Variants in ASIC2 observed in about 807,000 individuals in gnomAD.
ASIC2 encodes the protein acid sensing ion channel subunit 2.
In ASIC2, 25 loss-of-function variants were observed where a neutral mutation model predicts 57.3. The ratio of observed to expected loss-of-function variants is 0.44; its 90% CI spans 0.32 to 0.61. The LOEUF is 0.61. ASIC2 is among the 20% of genes least tolerant of loss of function. The pLI is 0.06. For synonymous variants in ASIC2, 319 were observed against 307.5 expected (o/e 1.04, Z -0.39); for missense variants, 641 against 738.1 (o/e 0.87, Z 1.52).
chr17:33,289,051 G>T (rs1157769411), intron 1 of ASIC2, among the ~76,000 whole-genome samples: 1 of 152,154 alleles, frequency 6.6e-6, no homozygotes, highest in Non-Finnish European at 1.5e-5. Flanking sequence ...CAGACAGAGG[G>T]GTGAAGCCTT....
chr17:33,317,523 T>C (rs555061915), intron 1 of ASIC2, among the ~76,000 whole-genome samples: 1 of 152,350 alleles, frequency 6.6e-6, no homozygotes, highest in East Asian at 1.9e-4. Flanking sequence ...GGACACCCAA[T>C]GAAAATTCCT....
intron 1 of ASIC2, among the ~76,000 whole-genome samples, chr17:33,468,819 T>G (rs1017343752): frequency 2.0e-5 from 3 of 152,196 alleles, no homozygotes; most frequent in Non-Finnish European, 4.4e-5. Flanking sequence ...GTTTTTTGAT[T>G]GCAAATTCAT....
intron 1 of ASIC2, among the ~76,000 whole-genome samples, chr17:34,151,829 T>C (rs934277868): frequency 6.6e-6 from 1 of 152,140 alleles, no homozygotes; most frequent in Non-Finnish European, 1.5e-5. Context: ...GGCCTTCACA[T>C]ATTTTATGGC....
chr17:33,522,476 G>A (rs1479898206), intron 1 of ASIC2, among the ~76,000 whole-genome samples: 1 of 152,136 alleles, frequency 6.6e-6, no homozygotes, highest in Non-Finnish European at 1.5e-5. Flanking sequence ...ACCATGGTTG[G>A]AATCCTGCCC....
chr17:33,259,963 C>T (rs949651216), intron 1 of ASIC2, among the ~76,000 whole-genome samples: 1 of 152,072 alleles, frequency 6.6e-6, no homozygotes, highest in African/African-American at 2.4e-5. Context: ...CTTTGGGACG[C>T]TCTATATTAA....
At chr17:33,323,322 A>G (rs764140663) in intron 1 of ASIC2, among the ~76,000 whole-genome samples, 2 of 152,258 alleles carry the variant, frequency 1.3e-5, no homozygotes, top group Non-Finnish European at 2.9e-5. Context: ...ATTGCGGTAT[A>G]GTCATACAGT....
chr17:34,128,320 C>T (rs1013912568), intron 1 of ASIC2, among the ~76,000 whole-genome samples: 12 of 152,110 alleles, frequency 7.9e-5, no homozygotes, highest in Non-Finnish European at 8.8e-5. Context: ...TTCCCAGGGA[C>T]CCCAGGTGCA....
At chr17:33,753,610 G>A (rs1567706841) in intron 1 of ASIC2, among the ~76,000 whole-genome samples, 1 of 152,230 alleles carries the variant, frequency 6.6e-6, no homozygotes, top group Non-Finnish European at 1.5e-5. Flanking sequence ...GGTGGAGGAA[G>A]ATTCATACAC....
At chr17:33,848,199 C>T (rs1414503080) in intron 1 of ASIC2, among the ~76,000 whole-genome samples, 1 of 152,144 alleles carries the variant, frequency 6.6e-6, no homozygotes, top group East Asian at 1.9e-4. Flanking sequence ...GCAGCCTTTG[C>T]CAGAAATCCC....
At chr17:33,422,344 T>C (rs1911073222) in intron 1 of ASIC2, among the ~76,000 whole-genome samples, 1 of 151,440 alleles carries the variant, frequency 6.6e-6, no homozygotes, top group Admixed American at 6.6e-5. Flanking sequence ...GCAACCCCCG[T>C]CCCCACAGCT....
At chr17:33,791,972 T>C (rs1274546690) in intron 1 of ASIC2, 1 of 151,932 alleles carries the variant, frequency 6.6e-6, no homozygotes, top group Non-Finnish European at 1.5e-5. Context: ...CATGCCTGGC[T>C]CATTTTTTTG....
At chr17:34,003,515 A>G (rs980571280) in intron 1 of ASIC2, 1 of 152,164 alleles carries the variant, frequency 6.6e-6, no homozygotes, top group African/African-American at 2.4e-5. Context: ...GACTGTGATC[A>G]GTCTTCATCA....
chr17:33,664,586 A>C (rs1907409027), intron 1 of ASIC2, among the ~76,000 whole-genome samples: 1 of 152,154 alleles, frequency 6.6e-6, no homozygotes, highest in African/African-American at 2.4e-5. Context: ...TAGTGCCTCC[A>C]CTTGGCCCAC....
intron 1 of ASIC2, among the ~76,000 whole-genome samples, chr17:33,888,598 G>A (rs1300650875): frequency 6.6e-6 from 1 of 152,134 alleles, no homozygotes; most frequent in Non-Finnish European, 1.5e-5. Context: ...GATGCTGGCA[G>A]GGACCGGGGT....
At chr17:33,576,806 C>A (rs1275597035) in intron 1 of ASIC2, among the ~76,000 whole-genome samples, 5 of 152,158 alleles carry the variant, frequency 3.3e-5, no homozygotes, top group East Asian at 1.9e-4. Context: ...GTCTCACAGA[C>A]CTGAACCAGG....
chr17:33,312,819 C>A (rs1906487499), intron 1 of ASIC2, among the ~76,000 whole-genome samples: 2 of 151,900 alleles, frequency 1.3e-5, no homozygotes, highest in Non-Finnish European at 2.9e-5. Context: ...GCCTGTAATC[C>A]TGGCTCTTCG....
At chr17:34,012,676 T>C (rs1476676901) in intron 1 of ASIC2, among the ~76,000 whole-genome samples, 2 of 152,142 alleles carry the variant, frequency 1.3e-5, no homozygotes, top group African/African-American at 2.4e-5. Context: ...ATTTGCATTT[T>C]TTTCTCTCCT....
intron 1 of ASIC2, among the ~76,000 whole-genome samples, chr17:33,228,496 G>A (rs983624522): frequency 3.3e-5 from 5 of 152,234 alleles, no homozygotes; most frequent in Admixed American, 6.5e-5. Flanking sequence ...CGCATGGCAC[G>A]TCCATGTGGT....
chr17:33,180,738 A>G (rs574861814), intron 1 of ASIC2, among the ~76,000 whole-genome samples: 1 of 152,210 alleles, frequency 6.6e-6, no homozygotes, highest in Non-Finnish European at 1.5e-5. Context: ...GTGCTTCCTG[A>G]TGCTTCCTAT....
Sources: allele counts gnomAD v4.1 joint callset (sites outside exome capture counted in the v4.1 genomes callset), GRCh38; gene constraint gnomAD v4.1.1; transcripts MANE v1.5; gene names NCBI Gene and HGNC (gene_info 2026-07-23, HGNC 2026-07-21).